CHST9: variants seen among roughly 807,000 people sequenced by gnomAD.
CHST9 encodes carbohydrate sulfotransferase 9, also known as GalNAc-4-sulfotransferase 2.
CHST9 carries 41 observed loss-of-function variants against 44.4 expected under a neutral mutation model. The ratio of observed to expected loss-of-function variants is 0.92; its 90% CI spans 0.72 to 1.20. The LOEUF (loss-of-function observed/expected upper bound fraction) is 1.20, where lower values mean the gene tolerates loss of function less well. Ranked by LOEUF, CHST9 falls within the 50% of genes most tolerant of loss-of-function variation. CHST9 has a pLI of 0.00. For synonymous variants in CHST9, 171 were observed against 178.4 expected, an observed-to-expected ratio of 0.96 and a Z score of 0.33; for missense variants, 504 against 516.5, an observed-to-expected ratio of 0.98 and a Z score of 0.23.
rs561046289 is a variant in CHST9 at position 26,997,140 on chromosome 18, G to A, written c.202+26976C>T. On this transcript the variant is annotated intron_variant, in intron 4 of 5. Coordinates refer to ENST00000618847, the MANE Select transcript of CHST9 (RefSeq NM_031422.6). ...TTTGCATCTTTAAAAGGGAATAACA[G>A]CAGATGTTACTGACAGGGCTATAGA... 1.4e-4 allele frequency among the ~76,000 whole-genome samples: 21 copies of A among 152,334 alleles called. No individual in the cohort carries two copies. The South Asian group carries it at 4.1e-3, about 30-fold the overall frequency.
In CHST9 at chr18:27,179,078, GTC is replaced by G. The variant is rs34391433; in HGVS notation, c.-97+6056_-97+6057del. On this transcript the variant is annotated intron_variant, in intron 1 of 5. Coordinates refer to ENST00000618847, the MANE Select transcript of CHST9 (RefSeq NM_031422.6). ...TACATGCATACATGTGTGTGATAAT[GTC>G]TCTCTCTCTCTCTCTCTCTCTCTCT... Among the ~76,000 whole-genome samples, 111 of 150,056 alleles carry G rather than the reference GTC, an allele frequency of 7.4e-4. 1 individual carries two copies. Among genetic ancestry groups the G allele is most frequent in the African/African-American group, 1.8e-3 (72 of 40,912 alleles).
At chr18:27,146,357 G>C (rs1031240286) in intron 1 of CHST9, among the ~76,000 whole-genome samples, 2 of 152,148 alleles carry the variant, frequency 1.3e-5, no homozygotes, top group Non-Finnish European at 2.9e-5. Context: ...AGATATGTTT[G>C]ATTTTCTCCC....
rs564813202 is a variant in CHST9 at position 26,982,547 on chromosome 18, C to T, written c.203-38181G>A. 7.9e-5 allele frequency among the ~76,000 whole-genome samples: 12 copies of T among 152,184 alleles called. No individual in the cohort carries two copies. In the South Asian group the frequency reaches 2.5e-3, roughly 32 times the overall value. Reference sequence around the variant, plus strand: ...AGTAAATTCATTGTGTGTCAGACACCGTTCCAGACCTTACTGGGGACGGGG... The same window carrying T: ...AGTAAATTCATTGTGTGTCAGACACTGTTCCAGACCTTACTGGGGACGGGG... On this transcript the variant is annotated intron_variant, in intron 4 of 5. Coordinates refer to ENST00000618847, the MANE Select transcript of CHST9 (RefSeq NM_031422.6).
At chr18:26,957,823 G>C (rs1225269133) in intron 4 of CHST9, among the ~76,000 whole-genome samples, 2 of 151,958 alleles carry the variant, frequency 1.3e-5, no homozygotes, top group African/African-American at 4.8e-5. Flanking sequence ...AAAGTGCCTA[G>C]GTACATTTTA....
chr18:27,038,755 T>C (rs1411879725), intron 3 of CHST9, among the ~76,000 whole-genome samples: 3 of 152,192 alleles, frequency 2.0e-5, no homozygotes, highest in African/African-American at 7.2e-5. Flanking sequence ...ACTACATTTT[T>C]CTTCAATGAT....
chr18:27,037,968 A>T (rs2057406736), intron 3 of CHST9, among the ~76,000 whole-genome samples: 1 of 152,168 alleles, frequency 6.6e-6, no homozygotes, highest in South Asian at 2.1e-4. Context: ...CTGAAATTCA[A>T]ACATTACAAC....
chr18:26,970,083 G>T (rs1022688777), intron 4 of CHST9, among the ~76,000 whole-genome samples: 2 of 152,052 alleles, frequency 1.3e-5, no homozygotes. Flanking sequence ...ACCATGGTTG[G>T]GTGCCTAAAA....
chr18:27,071,924 T>TA (rs2057844857), intron 2 of CHST9, among the ~76,000 whole-genome samples: 1 of 152,232 alleles, frequency 6.6e-6, no homozygotes, highest in African/African-American at 2.4e-5. Context: ...GGTATATATC[T>TA]AATGTGATAT....
chr18:27,127,716 G>A (rs1207070183), intron 2 of CHST9, among the ~76,000 whole-genome samples: 1 of 152,128 alleles, frequency 6.6e-6, no homozygotes, highest in Non-Finnish European at 1.5e-5. Context: ...AGAAAGAGAC[G>A]ATGATACAGA....
intron 1 of CHST9, among the ~76,000 whole-genome samples, chr18:27,152,892 T>C (rs1205851627): frequency 6.6e-6 from 1 of 152,122 alleles, no homozygotes; most frequent in East Asian, 1.9e-4. Flanking sequence ...AAGATAACTA[T>C]GGATTGGGTA....
At chr18:27,005,143 T>C (rs2057001034) in intron 4 of CHST9, among the ~76,000 whole-genome samples, 1 of 152,210 alleles carries the variant, frequency 6.6e-6, no homozygotes, top group African/African-American at 2.4e-5. Context: ...TAAATACTGA[T>C]TTAGCGACTC....
Position 27,047,623 on chromosome 18 carries a change from A to C in CHST9, c.160+842T>G, listed in dbSNP as rs138505651. Among the ~76,000 whole-genome samples the C allele has an allele frequency of 4.4e-3, 661 of 151,546 alleles. 4 individuals carry two copies. The highest frequency in any genetic ancestry group is 6.5e-3 in the South Asian group (31 of 4,806). On this transcript the variant is annotated intron_variant, in intron 3 of 5. Transcript: ENST00000618847. ...TATTGACTATGCTGACTCTTTGGAA[A>C]CACACATAATATCTTATTACCAGAC...
intron 2 of CHST9, among the ~76,000 whole-genome samples, chr18:27,121,752 A>G (rs2058376335): frequency 6.6e-6 from 1 of 152,184 alleles, no homozygotes; most frequent in South Asian, 2.1e-4. Flanking sequence ...CCCTGGTGAA[A>G]ACATTGTTGG....
At chr18:26,952,149 G>A in intron 4 of CHST9, 2 of 501,140 alleles carry the variant, frequency 4.0e-6, no homozygotes, top group Non-Finnish European at 7.9e-6. Flanking sequence ...AATATCAGAA[G>A]CTTCCACATC....
intron 4 of CHST9, among the ~76,000 whole-genome samples, chr18:27,007,385 T>A (rs1351582853): frequency 6.6e-6 from 1 of 152,104 alleles, no homozygotes; most frequent in Non-Finnish European, 1.5e-5. Context: ...AGGTGACACT[T>A]ACTGAACTGA....
intron 2 of CHST9, among the ~76,000 whole-genome samples, chr18:27,087,730 C>A (rs2058026644): frequency 6.6e-6 from 1 of 152,166 alleles, no homozygotes; most frequent in Non-Finnish European, 1.5e-5. Context: ...TATTAGCTAA[C>A]AATAGCTAAC....
chr18:27,141,233 C>G (rs376576135), intron 2 of CHST9, among the ~76,000 whole-genome samples: 1 of 151,738 alleles, frequency 6.6e-6, no homozygotes, highest in Non-Finnish European at 1.5e-5. Flanking sequence ...GGCGTGGTGG[C>G]GGGCGCCTGT....
chr18:26,956,311 C>CAA (rs10641983), intron 4 of CHST9, among the ~76,000 whole-genome samples: 72 of 112,306 alleles, frequency 6.4e-4, no homozygotes, highest in African/African-American at 1.6e-3. Flanking sequence ...GACTCTGTCT[C>CAA]AAAAAAAAAA....
rs1188255745 is a variant in CHST9, at chr18:26,906,775, T to A, written c.*9484A>T. The A allele has an allele frequency of 6.6e-6, 1 of 152,136 alleles. No homozygotes were observed. Among genetic ancestry groups the A allele is most frequent in the Non-Finnish European group, 1.5e-5 (1 of 68,054 alleles). The allele number at this position is 152,136 out of a possible 1,614,324, so 9.4% of individuals were successfully genotyped here. A position where few individuals can be genotyped will look rare whatever the true frequency, so the allele number is the denominator to read the frequency against. On this transcript the variant is annotated 3_prime_UTR_variant, in exon 6 of 6. Coordinates refer to ENST00000618847, the MANE Select transcript of CHST9 (RefSeq NM_031422.6). ...GCATCTCATCTGAGCCAGGCAGAGATGACAAATGCCTCCCTGAGCTTAGTT... is the reference window on the plus strand; with the variant it reads ...GCATCTCATCTGAGCCAGGCAGAGAAGACAAATGCCTCCCTGAGCTTAGTT...
Sources: allele counts gnomAD v4.1 joint callset (sites outside exome capture counted in the v4.1 genomes callset), GRCh38; gene constraint gnomAD v4.1.1; transcripts MANE v1.5; gene names NCBI Gene and HGNC (gene_info 2026-07-23, HGNC 2026-07-21).